The following RARB variants were observed in gnomAD, a reference collection of about 807,000 sequenced individuals.
RARB encodes HBV-activated protein.
A neutral mutation model predicts 51.9 loss-of-function variants in RARB; 17 were observed. That is an observed-to-expected ratio of 0.33 (90% CI 0.22 to 0.49). The LOEUF (loss-of-function observed/expected upper bound fraction) is 0.49. RARB is among the 20% of genes least tolerant of loss of function. The probability of loss-of-function intolerance (pLI) is 0.99; values close to 1 mark genes in which losing one functional copy is unlikely to be tolerated. For missense variants in RARB, 369 were observed against 550.8 expected (o/e 0.67, Z 3.30); for synonymous variants, 215 against 195.4 (o/e 1.10, Z -0.84).
intron 4 of RARB, among the ~76,000 whole-genome samples, chr3:25,157,163 A>C (rs1373437903): frequency 2.0e-5 from 3 of 152,348 alleles, no homozygotes; most frequent in African/African-American, 4.8e-5. Context: ...GTATCTGTTC[A>C]AAACAAATAT....
At chr3:25,238,838 G>A (rs866351792) in intron 5 of RARB, among the ~76,000 whole-genome samples, 1 of 152,216 alleles carries the variant, frequency 6.6e-6, no homozygotes, top group Middle Eastern at 3.4e-3. Context: ...AATTAGCCAG[G>A]CATGATGGCG....
At chr3:25,584,360 A>G (rs1049142116) in intron 5 of RARB, among the ~76,000 whole-genome samples, 1 of 152,190 alleles carries the variant, frequency 6.6e-6, no homozygotes, top group Non-Finnish European at 1.5e-5. Context: ...CATGCAACAG[A>G]GGAGAACAGA....
chr3:25,217,110 G>A (rs1464394197), intron 5 of RARB, among the ~76,000 whole-genome samples: 1 of 152,156 alleles, frequency 6.6e-6, no homozygotes, highest in South Asian at 2.1e-4. Flanking sequence ...TTAGGAGGAA[G>A]CGGTGATATT....
rs550053410 is a variant in RARB at position 25,158,092 on chromosome 3, G to A, written c.-279-16027G>A. On this transcript the variant is annotated intron_variant, in intron 4 of 11. Transcript: ENST00000383772. Reference sequence around the variant, plus strand: ...TTAAACTACTTTAAACATAATTTCCGACCCAAACACATAAGCAGCAAAGAA... The same window carrying A: ...TTAAACTACTTTAAACATAATTTCCAACCCAAACACATAAGCAGCAAAGAA... Among the ~76,000 whole-genome samples the A allele has an allele frequency of 6.6e-4, 100 of 152,154 alleles. 1 individual carries two copies. Among genetic ancestry groups the A allele is most frequent in the African/African-American group, 2.1e-3 (89 of 41,496 alleles).
intron 2 of RARB, among the ~76,000 whole-genome samples, chr3:25,022,450 C>T (rs192007343): frequency 3.9e-5 from 6 of 152,246 alleles, no homozygotes; most frequent in Non-Finnish European, 7.3e-5. Context: ...ATCACCGATG[C>T]TGTTAATGGG....
intron 5 of RARB, among the ~76,000 whole-genome samples, chr3:25,318,785 AC>A (rs1240826432): frequency 6.6e-6 from 1 of 152,138 alleles, no homozygotes; most frequent in Non-Finnish European, 1.5e-5. Flanking sequence ...AAAAATTACC[AC>A]CCTGAAACTC....
At chr3:25,071,057 A>AGTCTTG (rs1347338817) in intron 3 of RARB, among the ~76,000 whole-genome samples, 2 of 152,228 alleles carry the variant, frequency 1.3e-5, no homozygotes, top group Non-Finnish European at 2.9e-5. Context: ...AACAAGTGCA[A>AGTCTTG]AATGGAGACA....
intron 2 of RARB, among the ~76,000 whole-genome samples, chr3:25,028,567 G>C (rs1391034460): frequency 6.6e-6 from 1 of 152,154 alleles, no homozygotes. Flanking sequence ...GATAAAAACA[G>C]TTATAGGTAC....
At chr3:25,122,855 A>C (rs1199645913) in intron 3 of RARB, among the ~76,000 whole-genome samples, 5 of 152,172 alleles carry the variant, frequency 3.3e-5, no homozygotes, top group Non-Finnish European at 5.9e-5. Context: ...AAAATGCCCC[A>C]AACGGTTATA....
intron 2 of RARB, among the ~76,000 whole-genome samples, chr3:24,911,539 T>G (rs1559392917): frequency 6.9e-6 from 1 of 145,266 alleles, no homozygotes; most frequent in Admixed American, 6.9e-5. Context: ...AGTTACCCAG[T>G]TTTTATTTTT....
intron 5 of RARB, among the ~76,000 whole-genome samples, chr3:25,206,729 G>A (rs1214084619): frequency 2.6e-5 from 4 of 152,190 alleles, no homozygotes; most frequent in African/African-American, 9.7e-5. Flanking sequence ...ATGTGGTAGG[G>A]TGAGTACTGC....
chr3:25,383,422 C>T (rs1374475404), intron 5 of RARB, among the ~76,000 whole-genome samples: 1 of 152,134 alleles, frequency 6.6e-6, no homozygotes, highest in Non-Finnish European at 1.5e-5. Flanking sequence ...TTTGGCAGCC[C>T]CTGTATTGAT....
intron 5 of RARB, among the ~76,000 whole-genome samples, chr3:25,242,525 A>G (rs1316253963): frequency 3.3e-5 from 5 of 151,986 alleles, no homozygotes; most frequent in African/African-American, 1.2e-4. Flanking sequence ...TCTGCATATG[A>G]CTAGCCAGTT....
chr3:24,984,114 C>G (rs1381357848), intron 2 of RARB, among the ~76,000 whole-genome samples: 1 of 152,092 alleles, frequency 6.6e-6, no homozygotes, highest in Non-Finnish European at 1.5e-5. Context: ...ACAGTCATTA[C>G]AATGATCAAG....
At chr3:24,890,137 T>C (rs747960897) in intron 2 of RARB, among the ~76,000 whole-genome samples, 1 of 152,190 alleles carries the variant, frequency 6.6e-6, no homozygotes, top group African/African-American at 2.4e-5. Flanking sequence ...AAGTGCTCTT[T>C]TCAGTCCTAG....
In RARB at chr3:25,514,607, G is replaced by C. The variant is rs1226234476; in HGVS notation, c.448+13284G>C. Among the ~76,000 whole-genome samples, 5 of 151,874 alleles carry C rather than the reference G, an allele frequency of 3.3e-5. No individual in the cohort carries two copies. The South Asian group carries it at 6.3e-4, about 19-fold the overall frequency. ...GCAACTCCTCCATTTTTCTTTGCTTGTTTTTTTGGGGGAAGGGGATTATAA... is the reference window on the plus strand; with the variant it reads ...GCAACTCCTCCATTTTTCTTTGCTTCTTTTTTTGGGGGAAGGGGATTATAA... On this transcript the variant is annotated intron_variant, in intron 3 of 7. Coordinates refer to ENST00000330688, the MANE Select transcript of RARB (RefSeq NM_000965.5).
chr3:25,126,626 T>C (rs1012841645), intron 3 of RARB, among the ~76,000 whole-genome samples: 5 of 152,144 alleles, frequency 3.3e-5, no homozygotes, highest in African/African-American at 1.2e-4. Context: ...AAATTATCTT[T>C]CCAGCCAGGT....
intron 2 of RARB, among the ~76,000 whole-genome samples, chr3:24,869,944 G>C (rs1219254530): frequency 2.6e-5 from 4 of 151,980 alleles, no homozygotes; most frequent in Non-Finnish European, 5.9e-5. Context: ...TCCGTACTTA[G>C]TATGGAAAAT....
At chr3:25,320,355 G>A (rs1575309760) in intron 5 of RARB, among the ~76,000 whole-genome samples, 1 of 152,142 alleles carries the variant, frequency 6.6e-6, no homozygotes, top group East Asian at 1.9e-4. Flanking sequence ...TTTCTCTGTA[G>A]TAGTACTTTC....
Sources: gnomAD v4.1 joint callset for allele counts (sites outside exome capture counted in the v4.1 genomes callset) on GRCh38, gnomAD v4.1.1 for gene constraint, MANE v1.5 for transcripts, NCBI Gene and HGNC (gene_info 2026-07-23, HGNC 2026-07-21) for gene names.